WWOX: variants seen among roughly 807,000 people sequenced by gnomAD.
The protein encoded by WWOX is WW domain-containing oxidoreductase.
In WWOX, 69 loss-of-function variants were observed where a neutral mutation model predicts 46.2. The observed-to-expected ratio is 1.49, with a 90% confidence interval of 1.23 to 1.82. The LOEUF is 1.82. Among genes scored for constraint, WWOX ranks in the 40% most tolerant of loss-of-function variants. The pLI, the probability that WWOX is intolerant of heterozygous loss-of-function variation, is 0.00. For synonymous variants in WWOX, 359 were observed against 202.6 expected (o/e 1.77, Z -6.56); for missense variants, 919 against 542.6 (o/e 1.69, Z -6.89).
chr16:79,004,936 C>T (rs1180614974), intron 8 of WWOX, among the ~76,000 whole-genome samples: 1 of 152,078 alleles, frequency 6.6e-6, no homozygotes, highest in Non-Finnish European at 1.5e-5. Context: ...TTTAGAGCTC[C>T]CCTCTTGTGT....
chr16:78,560,329 A>C (rs993881391), intron 8 of WWOX, among the ~76,000 whole-genome samples: 1 of 152,212 alleles, frequency 6.6e-6, no homozygotes. Flanking sequence ...TGGTTAGAAT[A>C]GAATATTATT....
chr16:78,446,762 G>C (rs1430147906), intron 8 of WWOX, among the ~76,000 whole-genome samples: 1 of 142,096 alleles, frequency 7.0e-6, no homozygotes, highest in Non-Finnish European at 1.5e-5. Flanking sequence ...CCAAGTTCAA[G>C]CCATTCTCCA....
intron 8 of WWOX, among the ~76,000 whole-genome samples, chr16:78,903,860 C>G (rs2044890764): frequency 6.6e-6 from 1 of 152,208 alleles, no homozygotes; most frequent in South Asian, 2.1e-4. Flanking sequence ...GTTCTCAGAA[C>G]TCTGTGGCAG....
At chr16:79,046,575 C>T (rs1454103315) in intron 8 of WWOX, among the ~76,000 whole-genome samples, 1 of 152,102 alleles carries the variant, frequency 6.6e-6, no homozygotes, top group South Asian at 2.1e-4. Context: ...TGAGAGAGCT[C>T]ACCGGGGAGT....
intron 8 of WWOX, among the ~76,000 whole-genome samples, chr16:78,874,519 C>T (rs1187098245): frequency 1.3e-5 from 2 of 151,968 alleles, no homozygotes; most frequent in Non-Finnish European, 2.9e-5. Flanking sequence ...GGGCTCACTG[C>T]AGCGCCTGGT....
chr16:78,702,042 T>TATATAA (rs1229780052), intron 8 of WWOX, among the ~76,000 whole-genome samples: 4 of 120,966 alleles, frequency 3.3e-5, no homozygotes, highest in African/African-American at 1.5e-4. Flanking sequence ...TATATATATA[T>TATATAA]ATAAAATAAT....
At chr16:78,417,355 T>C (rs9925091) in intron 6 of WWOX, among the ~76,000 whole-genome samples, 10,875 of 152,122 alleles carry the variant, frequency 0.071, 1,260 homozygotes, top group African/African-American at 0.25. Context: ...GGCCTCCCAC[T>C]GTGCTGAGAT....
chr16:78,891,489 T>C (rs1597113890), intron 8 of WWOX: 1 of 152,128 alleles, frequency 6.6e-6, no homozygotes, highest in African/African-American at 2.4e-5. Context: ...TCAATAGCAA[T>C]ATGATTACAC....
At chr16:78,417,352 C>G (rs550103001) in intron 6 of WWOX, among the ~76,000 whole-genome samples, 3 of 152,214 alleles carry the variant, frequency 2.0e-5, no homozygotes, top group East Asian at 1.9e-4. Context: ...CTTGGCCTCC[C>G]ACTGTGCTGA....
At position 79,050,130 on chromosome 16, in the gene WWOX, G is replaced by A. The variant is rs568869706; in HGVS notation, c.1057-161478G>A. Among the ~76,000 whole-genome samples the A allele has an allele frequency of 8.1e-4, 123 of 152,276 alleles. 1 individual carries two copies. In the South Asian group the frequency reaches 0.011, roughly 13 times the overall value. ...TGCGTAACCGTGTGGCAACTGAGTG[G>A]CTCACGGCAATCAGTATTTACTTCT... On this transcript the variant is annotated intron_variant, in intron 8 of 8. Coordinates refer to ENST00000566780, the MANE Select transcript of WWOX (RefSeq NM_016373.4).
intron 8 of WWOX, among the ~76,000 whole-genome samples, chr16:78,623,681 G>T (rs1225752138): frequency 6.7e-6 from 1 of 149,730 alleles, no homozygotes; most frequent in East Asian, 2.0e-4. Flanking sequence ...GATGTTATTA[G>T]CTGAGTCATG....
intron 8 of WWOX, among the ~76,000 whole-genome samples, chr16:79,199,463 C>T (rs2051304690): frequency 2.0e-5 from 3 of 152,192 alleles, no homozygotes; most frequent in African/African-American, 7.2e-5. Flanking sequence ...ACACACGAAT[C>T]TCTTAGCAGG....
rs147739403 is a variant in WWOX, at chr16:79,097,633, A to G, written c.1057-113975A>G. On this transcript the variant is annotated intron_variant, in intron 8 of 8. Coordinates refer to ENST00000566780, the MANE Select transcript of WWOX (RefSeq NM_016373.4). ...TGAGAATGACGACATTCAACATCGT[A>G]CTCCAAAGGGGGTTAGGTTTGTGTG... 9.1e-3 allele frequency among the ~76,000 whole-genome samples: 1,381 copies of G among 152,184 alleles called. 27 individuals are homozygous for G. The highest frequency in any genetic ancestry group is 0.031 in the African/African-American group (1,295 of 41,526).
intron 5 of WWOX, among the ~76,000 whole-genome samples, chr16:78,214,517 C>T (rs1235837480): frequency 2.0e-5 from 3 of 152,162 alleles, no homozygotes; most frequent in African/African-American, 7.2e-5. Context: ...CCCGAAGTCT[C>T]TTCCTGGACC....
At chr16:78,869,589 T>G (rs989089410) in intron 8 of WWOX, among the ~76,000 whole-genome samples, 1 of 152,206 alleles carries the variant, frequency 6.6e-6, no homozygotes, top group Non-Finnish European at 1.5e-5. Context: ...AAAAGGATTT[T>G]GACACTGCGC....
At chr16:78,941,371 G>T (rs1430534520) in intron 8 of WWOX, among the ~76,000 whole-genome samples, 1 of 152,052 alleles carries the variant, frequency 6.6e-6, no homozygotes, top group Non-Finnish European at 1.5e-5. Flanking sequence ...CGCCTTGGAA[G>T]CTCCGTGGCC....
intron 4 of WWOX, among the ~76,000 whole-genome samples, chr16:78,154,601 G>C (rs1399632147): frequency 7.0e-6 from 1 of 142,498 alleles, no homozygotes; most frequent in African/African-American, 2.7e-5. Context: ...GCCACTCAGT[G>C]ACATTTGTGA....
intron 8 of WWOX, among the ~76,000 whole-genome samples, chr16:78,809,192 G>A (rs187903664): frequency 6.6e-6 from 1 of 151,688 alleles, no homozygotes; most frequent in Admixed American, 6.6e-5. Context: ...GTTTCTCCTG[G>A]ATGGTTTCCT....
rs1332119161 is a variant in WWOX, at chr16:79,109,337, A to G, written c.1057-102271A>G. ...ATCGAGCTACTGTAACTTTAAAAAG[A>G]TTTAACAAAGACTACCTCCACTAGC... On this transcript the variant is annotated intron_variant, in intron 8 of 8. Coordinates refer to ENST00000566780, the MANE Select transcript of WWOX (RefSeq NM_016373.4). 2.0e-5 allele frequency among the ~76,000 whole-genome samples: 3 copies of G among 152,186 alleles called. 1 individual carries two copies. Among genetic ancestry groups the G allele is most frequent in the Non-Finnish European group, 4.4e-5 (3 of 68,040 alleles).
Sources: gnomAD v4.1 joint callset for allele counts (sites outside exome capture counted in the v4.1 genomes callset) on GRCh38, gnomAD v4.1.1 for gene constraint, MANE v1.5 for transcripts, NCBI Gene and HGNC (gene_info 2026-07-23, HGNC 2026-07-21) for gene names.